The following CSMD1 variants were observed in gnomAD, a reference collection of about 807,000 sequenced individuals.
CSMD1 encodes the protein CUB and Sushi multiple domains 1.
CSMD1 carries 213 observed loss-of-function variants against 417.5 expected under a neutral mutation model. The ratio of observed to expected loss-of-function variants is 0.51; its 90% CI spans 0.46 to 0.57. The LOEUF (loss-of-function observed/expected upper bound fraction) is 0.57, where lower values mean the gene tolerates loss of function less well. CSMD1 is among the 20% of genes least tolerant of loss of function. CSMD1 has a pLI of 0.00. For synonymous variants in CSMD1, 2,862 were observed against 1,736.8 expected (o/e 1.65, Z -16.11); for missense variants, 6,923 against 4,529.7 (o/e 1.53, Z -15.17).
intron 2 of CSMD1, among the ~76,000 whole-genome samples, chr8:4,474,395 G>C (rs187874030): frequency 6.6e-6 from 1 of 152,174 alleles, no homozygotes; most frequent in South Asian, 2.1e-4. Context: ...GAGGAGGACA[G>C]AGAATTGGTC....
At chr8:3,420,562 G>C (rs906272187) in intron 12 of CSMD1, among the ~76,000 whole-genome samples, 1 of 151,402 alleles carries the variant, frequency 6.6e-6, no homozygotes, top group Non-Finnish European at 1.5e-5. Flanking sequence ...GAAATGCTCT[G>C]TACTATCTTT....
At chr8:4,327,776 T>C (rs1319876667) in intron 3 of CSMD1, among the ~76,000 whole-genome samples, 1 of 152,210 alleles carries the variant, frequency 6.6e-6, no homozygotes, top group East Asian at 1.9e-4. Context: ...TATTTAATCA[T>C]AAAACCAAAT....
At position 4,476,516 on chromosome 8, in the gene CSMD1, C is replaced by T. The variant is rs368810489; in HGVS notation, c.303-56451G>A. 1.3e-3 allele frequency among the ~76,000 whole-genome samples: 205 copies of T among 152,212 alleles called. 3 individuals carry two copies. In the South Asian group the frequency reaches 0.018, roughly 13 times the overall value. On this transcript the variant is annotated intron_variant, in intron 2 of 69. Coordinates refer to ENST00000635120, the MANE Select transcript of CSMD1 (RefSeq NM_033225.6). Reference sequence around the variant, plus strand: ...GAAATTGAACATCATCACTACTTTTCGGAGTTCTAAAATATGTATTTATAA... The same window carrying T: ...GAAATTGAACATCATCACTACTTTTTGGAGTTCTAAAATATGTATTTATAA...
At chr8:4,119,839 G>A (rs970473849) in intron 3 of CSMD1, among the ~76,000 whole-genome samples, 2 of 152,202 alleles carry the variant, frequency 1.3e-5, no homozygotes, top group African/African-American at 4.8e-5. Context: ...CTACACGTTT[G>A]TGTATGTTTC....
At chr8:3,614,100 C>T (rs2469321) in intron 8 of CSMD1, among the ~76,000 whole-genome samples, 150,868 of 152,254 alleles carry the variant, frequency 0.99, 74,759 homozygotes, top group Middle Eastern at 1. Flanking sequence ...ACACCATAGA[C>T]GATACAAATA....
intron 2 of CSMD1, among the ~76,000 whole-genome samples, chr8:4,583,200 G>A (rs1384150576): frequency 6.6e-5 from 10 of 152,198 alleles, no homozygotes; most frequent in Non-Finnish European, 1.5e-4. Flanking sequence ...CCACCCAAGG[G>A]CTGAGGAATG....
intron 15 of CSMD1, among the ~76,000 whole-genome samples, chr8:3,402,917 T>G (rs966965009): frequency 6.6e-6 from 1 of 152,152 alleles, no homozygotes; most frequent in African/African-American, 2.4e-5. Flanking sequence ...AGATAGACAT[T>G]TTCCTTGAAA....
At chr8:3,649,395 C>T (rs886256429) in intron 7 of CSMD1, among the ~76,000 whole-genome samples, 10 of 152,098 alleles carry the variant, frequency 6.6e-5, no homozygotes, top group African/African-American at 2.2e-4. Flanking sequence ...TGTATTAGTT[C>T]GTTTTCACAC....
At chr8:4,781,606 C>T (rs1041697056) in intron 1 of CSMD1, among the ~76,000 whole-genome samples, 1 of 152,150 alleles carries the variant, frequency 6.6e-6, no homozygotes, top group African/African-American at 2.4e-5. Context: ...AGTCTTTTGT[C>T]TATTGTTGTA....
chr8:3,175,933 G>C (rs1013019852), intron 37 of CSMD1, among the ~76,000 whole-genome samples: 4 of 152,184 alleles, frequency 2.6e-5, no homozygotes, highest in African/African-American at 9.7e-5. Context: ...TTTTGACTCA[G>C]TGGCATACAT....
Position 3,230,161 on chromosome 8 carries a change from C to T in CSMD1, c.4224G>A (p.Glu1408=), listed in dbSNP as rs766412564. The change falls in exon 27 of 70, where the codon GAG becomes GAA. Residue 1408 remains glutamate, a synonymous_variant. Coordinates refer to ENST00000635120, the MANE Select transcript of CSMD1 (RefSeq NM_033225.6). ...QNGTRYGDSR[E]AGDTVTFQCD... Reference sequence around the variant, plus strand: ...ACTGGAATGTGACGGTGTCTCCAGCCTCTCTGCTGTCTCCATAGCGGGTGC... The same window carrying T: ...ACTGGAATGTGACGGTGTCTCCAGCTTCTCTGCTGTCTCCATAGCGGGTGC... 9.3e-6 allele frequency: 15 copies of T among 1,613,616 alleles called. No individual in the cohort carries two copies. The highest frequency in any genetic ancestry group is 1.2e-5 in the Non-Finnish European group (14 of 1,179,726).
chr8:3,908,088 C>G (rs1295422979), intron 5 of CSMD1, among the ~76,000 whole-genome samples: 1 of 152,096 alleles, frequency 6.6e-6, no homozygotes, highest in Non-Finnish European at 1.5e-5. Flanking sequence ...AGGTCAAAGC[C>G]CTAATGTCTG....
chr8:4,880,365 A>G (rs1803311361), intron 1 of CSMD1, among the ~76,000 whole-genome samples: 1 of 152,108 alleles, frequency 6.6e-6, no homozygotes, highest in Non-Finnish European at 1.5e-5. Context: ...TGACGTCTGA[A>G]CACACAAACC....
chr8:4,726,480 T>C (rs1477096934), intron 1 of CSMD1, among the ~76,000 whole-genome samples: 3 of 152,194 alleles, frequency 2.0e-5, no homozygotes, highest in Non-Finnish European at 4.4e-5. Flanking sequence ...CACTTTTTTT[T>C]ACTTCGTTTT....
At chr8:3,912,501 T>C (rs762895385) in intron 5 of CSMD1, among the ~76,000 whole-genome samples, 3 of 152,266 alleles carry the variant, frequency 2.0e-5, no homozygotes, top group African/African-American at 4.8e-5. Flanking sequence ...GTGAAACATA[T>C]TGCATACAAT....
chr8:3,630,799 C>T (rs1240697007), intron 7 of CSMD1, among the ~76,000 whole-genome samples: 5 of 152,274 alleles, frequency 3.3e-5, no homozygotes, highest in Middle Eastern at 6.8e-3. Flanking sequence ...GAACACATCA[C>T]GATTTGGAAG....
At chr8:3,398,557 T>C (rs1811840095) in intron 16 of CSMD1, among the ~76,000 whole-genome samples, 1 of 152,218 alleles carries the variant, frequency 6.6e-6, no homozygotes, top group African/African-American at 2.4e-5. Context: ...AGTTCATCTA[T>C]CTTGAGACAC....
chr8:4,236,392 G>T (rs1286953672), intron 3 of CSMD1, among the ~76,000 whole-genome samples: 1 of 152,052 alleles, frequency 6.6e-6, no homozygotes, highest in Non-Finnish European at 1.5e-5. Context: ...AAGACGAGAC[G>T]AAGCACCCAC....
chr8:3,441,416 G>C (rs1015798369), intron 12 of CSMD1, among the ~76,000 whole-genome samples: 1 of 151,698 alleles, frequency 6.6e-6, no homozygotes, highest in Non-Finnish European at 1.5e-5. Context: ...TTTAATAAAT[G>C]ACATTGATTT....
Sources: gnomAD v4.1 joint callset for allele counts (sites outside exome capture counted in the v4.1 genomes callset) on GRCh38, gnomAD v4.1.1 for gene constraint, MANE v1.5 for transcripts, NCBI Gene and HGNC (gene_info 2026-07-23, HGNC 2026-07-21) for gene names.